FARS2: variants seen among roughly 807,000 people sequenced by gnomAD.
FARS2 encodes phenylalanine--tRNA ligase, mitochondrial.
Under a neutral mutation model 46.4 loss-of-function variants are expected in FARS2, and 40 were observed. That is an observed-to-expected ratio of 0.86 (90% CI 0.67 to 1.12). The LOEUF (loss-of-function observed/expected upper bound fraction) is 1.12, where lower values mean the gene tolerates loss of function less well. FARS2 is among the 50% of genes most tolerant of loss of function. FARS2 has a pLI of 0.00. For synonymous variants in FARS2, 234 were observed against 214.9 expected (o/e 1.09, Z -0.78); for missense variants, 513 against 567.9 (o/e 0.90, Z 0.98).
intron 1 of FARS2, among the ~76,000 whole-genome samples, chr6:5,280,816 G>C (rs1043168371): frequency 6.6e-6 from 1 of 151,942 alleles, no homozygotes; most frequent in Non-Finnish European, 1.5e-5. Flanking sequence ...ATTATACACT[G>C]TGTATAATTC....
At chr6:5,512,005 T>C (rs1043141784) in intron 4 of FARS2, among the ~76,000 whole-genome samples, 1 of 152,216 alleles carries the variant, frequency 6.6e-6, no homozygotes, top group Non-Finnish European at 1.5e-5. Context: ...GTGAGTATAT[T>C]CTAGGGACTT....
chr6:5,531,137 G>A (rs1007795826), intron 4 of FARS2, among the ~76,000 whole-genome samples: 1 of 152,008 alleles, frequency 6.6e-6, no homozygotes. Flanking sequence ...TTGCCTATGA[G>A]CATCCTAGCA....
rs1561715143 is a variant in FARS2, at chr6:5,562,728, A to ACACACACACACAC, written c.1065+17388_1065+17389insCACACACACACAC. 2.1e-5 allele frequency among the ~76,000 whole-genome samples: 3 copies of ACACACACACACAC among 142,056 alleles called. No homozygotes were observed. In the East Asian group the frequency reaches 6.0e-4, roughly 28 times the overall value. The allele number at this position is 142,056 out of a possible 152,430, so 93.2% of individuals were successfully genotyped here. A position where few individuals can be genotyped will look rare whatever the true frequency, so the allele number is the denominator to read the frequency against. ...CACACACACACACACACACACACACAGTGTTTTTCATTGTGTTAAATCTTT... is the reference window on the plus strand; with the variant it reads ...CACACACACACACACACACACACACACACACACACACACGTGTTTTTCATTGTGTTAAATCTTT... On this transcript the variant is annotated intron_variant, in intron 5 of 6. Coordinates refer to ENST00000274680, the MANE Select transcript of FARS2 (RefSeq NM_006567.5).
rs376174635 is a variant in FARS2 at position 5,559,105 on chromosome 6, T to C, written c.1065+13765T>C. On this transcript the variant is annotated intron_variant, in intron 5 of 6. Coordinates refer to ENST00000274680, the MANE Select transcript of FARS2 (RefSeq NM_006567.5). Reference sequence around the variant, plus strand: ...TCCTAGGATTTTACTACAGATTTTTTTAAAGAGTAAAAGTGGTTAGGCGCA... The same window carrying C: ...TCCTAGGATTTTACTACAGATTTTTCTAAAGAGTAAAAGTGGTTAGGCGCA... Among the ~76,000 whole-genome samples the C allele has an allele frequency of 4.6e-5, 7 of 151,840 alleles. No individual in the cohort carries two copies. In the East Asian group the frequency reaches 1.2e-3, roughly 25 times the overall value.
intron 2 of FARS2, among the ~76,000 whole-genome samples, chr6:5,389,163 C>T (rs961165913): frequency 5.3e-5 from 8 of 152,052 alleles, no homozygotes; most frequent in East Asian, 1.9e-4. Flanking sequence ...TAAAAAATAT[C>T]GGCTTGCAGA....
chr6:5,275,048 TC>T (rs35570153), intron 1 of FARS2, among the ~76,000 whole-genome samples: 1 of 152,198 alleles, frequency 6.6e-6, no homozygotes, highest in African/African-American at 2.4e-5. Context: ...AAATAGAACT[TC>T]CCCGCTTCAG....
At chr6:5,636,345 C>G (rs2150730224) in intron 6 of FARS2, among the ~76,000 whole-genome samples, 1 of 152,334 alleles carries the variant, frequency 6.6e-6, no homozygotes, top group Admixed American at 6.5e-5. Context: ...GGTGTCCACC[C>G]AGCTCCCGGT....
chr6:5,693,938 G>A (rs986141472), intron 6 of FARS2, among the ~76,000 whole-genome samples: 23 of 152,208 alleles, frequency 1.5e-4, no homozygotes, highest in African/African-American at 5.5e-4. Flanking sequence ...AAGTCACATA[G>A]CATCATTTCC....
chr6:5,756,586 G>T (rs1762216357), intron 6 of FARS2, among the ~76,000 whole-genome samples: 1 of 152,166 alleles, frequency 6.6e-6, no homozygotes, highest in Non-Finnish European at 1.5e-5. Context: ...CAGCAAGGGA[G>T]AAATTTTTTC....
In FARS2 at chr6:5,466,890, A is replaced by G. The variant is rs566286013; in HGVS notation, c.904+35718A>G. On this transcript the variant is annotated intron_variant, in intron 4 of 6. Coordinates refer to ENST00000274680, the MANE Select transcript of FARS2 (RefSeq NM_006567.5). ...GCTCTTCTATGGATTCCTTGAACCCATGAGCACATGGGCACCTCGGCCTTA... is the reference window on the plus strand; with the variant it reads ...GCTCTTCTATGGATTCCTTGAACCCGTGAGCACATGGGCACCTCGGCCTTA... 2.1e-3 allele frequency: 2,075 copies of G among 985,440 alleles called. 9 individuals are homozygous for G. The Middle Eastern group carries it at 0.027, about 13-fold the overall frequency. The allele number at this position is 985,440 out of a possible 1,614,324, so 61.0% of individuals were successfully genotyped here. A position where few individuals can be genotyped will look rare whatever the true frequency, so the allele number is the denominator to read the frequency against.
At chr6:5,302,431 TGG>T (rs1327346998) in intron 1 of FARS2, among the ~76,000 whole-genome samples, 1 of 152,012 alleles carries the variant, frequency 6.6e-6, no homozygotes, top group Non-Finnish European at 1.5e-5. Flanking sequence ...TCGGATGACA[TGG>T]GATGACATAG....
In FARS2 at chr6:5,629,399, G is replaced by A. The variant is rs931714631; in HGVS notation, c.1217+16079G>A. Among the ~76,000 whole-genome samples the A allele has an allele frequency of 2.0e-5, 3 of 152,110 alleles. 1 individual carries two copies. The highest frequency in any genetic ancestry group is 2.0e-4 in the Admixed American group (3 of 15,264). ...TCAGCTGAATCTTGAAAAACAAATA[G>A]GAATTTGATATGGAAGGGGCCTAGA... On this transcript the variant is annotated intron_variant, in intron 6 of 6. Transcript: ENST00000274680.
chr6:5,545,099 A>T, intron 4 of FARS2, 81 bp from the exon 5 acceptor site: 1 of 1,358,694 alleles, frequency 7.4e-7, no homozygotes, highest in Non-Finnish European at 1.0e-6. Context: ...AATTAGTGTC[A>T]CTGATAACTG....
intron 6 of FARS2, among the ~76,000 whole-genome samples, chr6:5,642,770 T>C (rs1776886005): frequency 6.6e-6 from 1 of 152,236 alleles, no homozygotes; most frequent in Admixed American, 6.5e-5. Flanking sequence ...ATGCCTTGTG[T>C]GCTGTAGTTG....
chr6:5,270,235 A>G (rs753576223), intron 1 of FARS2, among the ~76,000 whole-genome samples: 3 of 152,158 alleles, frequency 2.0e-5, no homozygotes, highest in Admixed American at 6.5e-5. Context: ...AGATAAGCAC[A>G]TTGTTATTTA....
chr6:5,650,072 C>T (rs1777273867), intron 6 of FARS2, among the ~76,000 whole-genome samples: 1 of 152,052 alleles, frequency 6.6e-6, no homozygotes, highest in Admixed American at 6.5e-5. Context: ...GTTAGGAAAC[C>T]TTTCTAACTA....
intron 6 of FARS2, among the ~76,000 whole-genome samples, chr6:5,705,608 C>T (rs1758698561): frequency 6.6e-6 from 1 of 152,214 alleles, no homozygotes; most frequent in Non-Finnish European, 1.5e-5. Flanking sequence ...CGCATTCTCC[C>T]CACTGAAACC....
intron 4 of FARS2, among the ~76,000 whole-genome samples, chr6:5,473,236 C>A (rs1455848646): frequency 1.3e-5 from 2 of 152,062 alleles, no homozygotes; most frequent in Non-Finnish European, 2.9e-5. Context: ...TTAAGAATAC[C>A]CTGCTCCTGG....
chr6:5,676,332 T>C (rs1017710196), intron 6 of FARS2, among the ~76,000 whole-genome samples: 12 of 152,354 alleles, frequency 7.9e-5, no homozygotes, highest in South Asian at 6.2e-4. Flanking sequence ...TGGCCTTCAA[T>C]TGGATTTTGT....
Sources: gnomAD v4.1 joint callset for allele counts (sites outside exome capture counted in the v4.1 genomes callset) on GRCh38, gnomAD v4.1.1 for gene constraint, MANE v1.5 for transcripts, NCBI Gene and HGNC (gene_info 2026-07-23, HGNC 2026-07-21) for gene names.